Variants in DNASE1 observed in about 807,000 individuals in gnomAD.
DNASE1 encodes the protein deoxyribonuclease 1.
Under a neutral mutation model 33.9 loss-of-function variants are expected in DNASE1, and 40 were observed. That is an observed-to-expected ratio of 1.18 (90% confidence interval 0.92 to 1.54). DNASE1 has a LOEUF of 1.54. Ranked by LOEUF, DNASE1 falls within the 40% of genes most tolerant of loss-of-function variation. The pLI, the probability that DNASE1 is intolerant of heterozygous loss-of-function variation, is 0.00. For synonymous variants in DNASE1, 216 were observed against 160.0 expected (o/e 1.35, Z -2.64); for missense variants, 518 against 372.6 (o/e 1.39, Z -3.21).
At chr16:3,663,918 C>T (rs2050756859) in exon 10 of DNASE1, 2 of 352,822 alleles carry the variant, frequency 5.7e-6, no homozygotes, top group Admixed American at 8.6e-5. Context: ...CAAAAATTTG[C>T]TGGGTGTGGT....
intron 1 of DNASE1, among the ~76,000 whole-genome samples, chr16:3,636,272 C>G (rs545459139): frequency 6.6e-6 from 1 of 151,742 alleles, no homozygotes; most frequent in Admixed American, 6.6e-5. Context: ...CTAGCATTTC[C>G]TTTTGATTCT....
chr16:3,655,821 C>G (rs749011286), intron 2 of DNASE1, 28 bp from the exon 3 acceptor site: 6 of 1,611,946 alleles, frequency 3.7e-6, no homozygotes, highest in African/African-American at 1.3e-5. Flanking sequence ...ACCAGCCCTG[C>G]TCAGCACCAC....
chr16:3,640,767 C>A, upstream of DNASE1: 1 of 398,594 alleles, frequency 2.5e-6, no homozygotes, highest in Non-Finnish European at 4.4e-6. Flanking sequence ...CTGAGTGGTA[C>A]AGCGCCAGCC....
intron 1 of DNASE1, among the ~76,000 whole-genome samples, chr16:3,643,570 G>A (rs902587082): frequency 2.0e-5 from 3 of 152,112 alleles, no homozygotes; most frequent in Non-Finnish European, 2.9e-5. Flanking sequence ...TGTCCCTGTC[G>A]GGGGACATGT....
intron 1 of DNASE1, among the ~76,000 whole-genome samples, chr16:3,631,733 G>A (rs916562947): frequency 2.6e-5 from 4 of 151,432 alleles, no homozygotes; most frequent in African/African-American, 9.7e-5. Context: ...GTGTTGGGCA[G>A]GCTGGTCTTG....
Position 3,655,777 on chromosome 16 carries a change from C to T in DNASE1, c.148-72C>T, listed in dbSNP as rs576546194. On this transcript the variant is annotated intron_variant, in intron 2 of 8. Coordinates refer to ENST00000246949, the MANE Select transcript of DNASE1 (RefSeq NM_005223.4). ...GCAATGCCACGAGCATCAGCTGTGGCTCCCTTTGTGGCGCTGTAGGGTCCC... is the reference window on the plus strand; with the variant it reads ...GCAATGCCACGAGCATCAGCTGTGGTTCCCTTTGTGGCGCTGTAGGGTCCC... 2,028 of 1,573,926 alleles carry T rather than the reference C, an allele frequency of 1.3e-3. 5 individuals carry two copies. Among genetic ancestry groups the T allele is most frequent in the Non-Finnish European group, 1.7e-3 (1,932 of 1,149,326 alleles).
rs1484611418 is a variant in DNASE1 at position 3,657,899 on chromosome 16, C to T, written c.802-7C>T. 3.1e-6 allele frequency: 5 copies of T among 1,614,000 alleles called. No individual in the cohort carries two copies. Among genetic ancestry groups the T allele is most frequent in the East Asian group, 2.2e-5 (1 of 44,878 alleles). On this transcript the variant is annotated splice_region_variant and splice_polypyrimidine_tract_variant and intron_variant, in intron 8 of 8. Coordinates refer to ENST00000246949, the MANE Select transcript of DNASE1 (RefSeq NM_005223.4). ...TCAGCCCAGACCCTGTGCCCACTTG[C>T]CTGCAGGCCCAAGCCATCAGTGACC...
upstream of DNASE1, chr16:3,652,503 AGACTT>A (rs1382705674): frequency 2.0e-5 from 3 of 152,272 alleles, no homozygotes; most frequent in Non-Finnish European, 4.4e-5. Flanking sequence ...AGGCTGTCCT[AGACTT>A]AGAGATTAAA....
chr16:3,662,650 C>T (rs1448871599), downstream of DNASE1: 5 of 681,424 alleles, frequency 7.3e-6, no homozygotes, highest in Non-Finnish European at 8.1e-6. Flanking sequence ...TTTCAGTTCT[C>T]AGTTCACACC....
chr16:3,659,728 T>C (rs1208035417), downstream of DNASE1: 1 of 150,034 alleles, frequency 6.7e-6, no homozygotes, highest in Non-Finnish European at 1.5e-5. Flanking sequence ...CCTAACTGCA[T>C]CCCTTTAAAC....
intron 1 of DNASE1, among the ~76,000 whole-genome samples, chr16:3,625,485 G>C (rs928381785): frequency 6.6e-5 from 10 of 151,958 alleles, no homozygotes; most frequent in African/African-American, 2.4e-4. Flanking sequence ...AAATTAGCCA[G>C]CATGGTAGCA....
At chr16:3,652,926 G>A (rs1037496277), upstream of DNASE1, 1 of 152,390 alleles carries the variant, frequency 6.6e-6, no homozygotes, top group African/African-American at 2.4e-5. Context: ...CCCCCAGGGG[G>A]ACCACAGATG....
chr16:3,660,906 A>T (rs2043037528), downstream of DNASE1: 1 of 152,162 alleles, frequency 6.6e-6, no homozygotes, highest in Non-Finnish European at 1.5e-5. Context: ...CCTGGGGGAC[A>T]GAGTGAGACC....
intron 1 of DNASE1, among the ~76,000 whole-genome samples, chr16:3,628,191 T>G (rs945627987): frequency 1.3e-5 from 2 of 152,168 alleles, no homozygotes; most frequent in African/African-American, 4.8e-5. Context: ...TTTATTCTTT[T>G]TAATGCTATT....
intron 1 of DNASE1, among the ~76,000 whole-genome samples, chr16:3,617,326 CAAAAAAAA>C (rs56670885): frequency 4.0e-4 from 23 of 57,720 alleles, no homozygotes; most frequent in African/African-American, 7.7e-4. Flanking sequence ...AACTCCATCT[CAAAAAAAA>C]AAAAAAAAAA....
intron 1 of DNASE1, among the ~76,000 whole-genome samples, chr16:3,622,135 G>A (rs1321492734): frequency 1.3e-5 from 2 of 149,738 alleles, no homozygotes; most frequent in East Asian, 2.0e-4. Context: ...CAGGAGAATC[G>A]CTTGAACCCG....
At chr16:3,658,316 C>T (rs535536870), downstream of DNASE1, 43 of 1,132,416 alleles carry the variant, frequency 3.8e-5, no homozygotes, top group South Asian at 2.8e-4. Context: ...TCACTGTTGC[C>T]GAGGCTGGAG....
upstream of DNASE1, among the ~76,000 whole-genome samples, chr16:3,650,067 A>G (rs1258653461): frequency 6.6e-6 from 1 of 152,146 alleles, no homozygotes; most frequent in Admixed American, 6.5e-5. Context: ...TGGTTCCTAC[A>G]AGTTTTGTTT....
At chr16:3,622,339 G>A (rs1048211139) in intron 1 of DNASE1, among the ~76,000 whole-genome samples, 8 of 151,818 alleles carry the variant, frequency 5.3e-5, no homozygotes, top group South Asian at 4.1e-4. Context: ...CTATTTCAGC[G>A]GTTAAAAATT....
Sources: allele counts gnomAD v4.1 joint callset (sites outside exome capture counted in the v4.1 genomes callset), GRCh38; gene constraint gnomAD v4.1.1; transcripts MANE v1.5; gene names NCBI Gene and HGNC (gene_info 2026-07-23, HGNC 2026-07-21).